The following ITGB2 variants were observed in gnomAD, a reference collection of about 807,000 sequenced individuals.
The protein encoded by ITGB2 is integrin beta-2.
ITGB2 carries 56 observed loss-of-function variants against 86.8 expected under a neutral mutation model. That is an observed-to-expected ratio of 0.65 (90% CI 0.52 to 0.81). The LOEUF (loss-of-function observed/expected upper bound fraction) is 0.81. Ranked by LOEUF, ITGB2 falls within the 30% of genes least tolerant of loss-of-function variation. The pLI, the probability that ITGB2 is intolerant of heterozygous loss-of-function variation, is 0.00. For missense variants in ITGB2, 948 were observed against 1,061.2 expected (o/e 0.89, Z 1.48); for synonymous variants, 457 against 450.4 (o/e 1.01, Z -0.19).
rs540504319 is a variant in ITGB2, at chr21:44,898,813, A to G, written c.993+254T>C. Among the ~76,000 whole-genome samples, 7 of 152,380 alleles carry G rather than the reference A, an allele frequency of 4.6e-5. No homozygotes were observed. In the East Asian group the frequency reaches 1.3e-3, roughly 29 times the overall value. ...CCAGGAAAAAACAGAAATATCACCAATGCCAAGACATGCTGTTAACACAGC... is the reference window on the plus strand; with the variant it reads ...CCAGGAAAAAACAGAAATATCACCAGTGCCAAGACATGCTGTTAACACAGC... On this transcript the variant is annotated intron_variant, in intron 8 of 15. Coordinates refer to ENST00000652462, the MANE Select transcript of ITGB2 (RefSeq NM_000211.5).
chr21:44,919,334 C>T (rs921649188), intron 1 of ITGB2, among the ~76,000 whole-genome samples: 12 of 152,368 alleles, frequency 7.9e-5, no homozygotes, highest in African/African-American at 2.9e-4. Flanking sequence ...CCCCAGAATA[C>T]TGAGGGGCAC....
In ITGB2 at chr21:44,900,401, G is replaced by A. The variant is rs779979379; in HGVS notation, c.816C>T (p.Asp272=). 5.2e-5 allele frequency: 84 copies of A among 1,613,954 alleles called. No individual in the cohort carries two copies. The highest frequency in any genetic ancestry group is 1.7e-4 in the African/African-American group (13 of 74,936). Residue 272 remains aspartate (D), a synonymous_variant, in exon 7 of 16, where the codon GAC becomes GAT. Coordinates refer to ENST00000652462, the MANE Select transcript of ITGB2 (RefSeq NM_000211.5). ...GGGTCAGGATGGCGCCCAGCTTCCC[G>A]TCGCCCGCGAAATGGAAGCCGTCAT... ...ATDDGFHFAG[D]GKLGAILTPN...
chr21:44,899,213 C>G, intron 7 of ITGB2, 51 bp from the exon 8 acceptor site: 1 of 1,353,648 alleles, frequency 7.4e-7, no homozygotes, highest in South Asian at 1.2e-5. Context: ...GACAAGGCTT[C>G]CAGGTACCCG....
intron 1 of ITGB2, among the ~76,000 whole-genome samples, chr21:44,919,007 C>T (rs2084253898): frequency 6.6e-6 from 1 of 152,068 alleles, no homozygotes; most frequent in African/African-American, 2.4e-5. Flanking sequence ...ATTCCCCTCT[C>T]CCAGCACTCG....
At chr21:44,895,616 T>A (rs1264170088) in intron 8 of ITGB2, among the ~76,000 whole-genome samples, 1 of 151,200 alleles carries the variant, frequency 6.6e-6, no homozygotes, top group East Asian at 2.0e-4. Flanking sequence ...CCAAAGTGGG[T>A]GGATCACTGA....
At chr21:44,918,922 C>A (rs1365208618) in intron 1 of ITGB2, among the ~76,000 whole-genome samples, 3 of 42,568 alleles carry the variant, frequency 7.0e-5, no homozygotes, top group Non-Finnish European at 1.2e-4. Flanking sequence ...GAGGCAAAGG[C>A]CCTTGGGTGG....
At chr21:44,923,557 C>A (rs749076403), upstream of ITGB2, among the ~76,000 whole-genome samples, 6 of 152,038 alleles carry the variant, frequency 3.9e-5, no homozygotes, top group Non-Finnish European at 8.8e-5. Context: ...GGACATGGGG[C>A]TTCACTAATC....
intron 1 of ITGB2, among the ~76,000 whole-genome samples, chr21:44,914,919 C>A (rs1010385464): frequency 6.7e-6 from 1 of 148,906 alleles, no homozygotes; most frequent in Non-Finnish European, 1.5e-5. Context: ...GTTGACAGAA[C>A]GAGGCCCTGT....
At chr21:44,923,260 G>A (rs1601343399), upstream of ITGB2, among the ~76,000 whole-genome samples, 1 of 152,264 alleles carries the variant, frequency 6.6e-6, no homozygotes, top group East Asian at 1.9e-4. Flanking sequence ...CGAAGGGAGA[G>A]AGACCCTTTA....
chr21:44,898,330 G>A (rs532141767), intron 8 of ITGB2, among the ~76,000 whole-genome samples: 1 of 152,306 alleles, frequency 6.6e-6, no homozygotes, highest in South Asian at 2.1e-4. Context: ...GCTGGTGCCT[G>A]GTTTCTCTCC....
intron 1 of ITGB2, among the ~76,000 whole-genome samples, chr21:44,916,797 G>A (rs1344931877): frequency 6.6e-6 from 1 of 151,846 alleles, no homozygotes; most frequent in Admixed American, 6.6e-5. Flanking sequence ...GAGCCCGGGA[G>A]GCAGAGGGTG....
chr21:44,905,254 G>T (rs1240318527), intron 4 of ITGB2, among the ~76,000 whole-genome samples: 1 of 152,126 alleles, frequency 6.6e-6, no homozygotes, highest in African/African-American at 2.4e-5. Flanking sequence ...CCTGCTCTGG[G>T]AGCCTGTGGC....
chr21:44,886,993 A>C, intron 14 of ITGB2, 91 bp from the exon 15 acceptor site: 1 of 1,500,472 alleles, frequency 6.7e-7, no homozygotes, highest in African/African-American at 1.4e-5. Flanking sequence ...ACAACACAGC[A>C]CTTAGAGAGA....
At chr21:44,923,031 T>C (rs1299871968), upstream of ITGB2, 2 of 152,346 alleles carry the variant, frequency 1.3e-5, no homozygotes, top group East Asian at 1.9e-4. Flanking sequence ...GCAGACGTTA[T>C]GCACACACCT....
chr21:44,908,497 T>A (rs2084079427), intron 3 of ITGB2, among the ~76,000 whole-genome samples: 1 of 152,146 alleles, frequency 6.6e-6, no homozygotes, highest in Admixed American at 6.6e-5. Context: ...AAACTTTCTG[T>A]TCTGTCAGCT....
intron 1 of ITGB2, among the ~76,000 whole-genome samples, chr21:44,912,119 C>G (rs1350673830): frequency 6.6e-6 from 1 of 152,228 alleles, no homozygotes; most frequent in Non-Finnish European, 1.5e-5. Flanking sequence ...CCAGCAAATG[C>G]CAGTTCCTGT....
chr21:44,906,703 G>A (rs1423998295), intron 4 of ITGB2, among the ~76,000 whole-genome samples: 3 of 152,194 alleles, frequency 2.0e-5, no homozygotes, highest in African/African-American at 7.2e-5. Flanking sequence ...CCGATGGTAA[G>A]GGCTGGGGCA....
chr21:44,907,210 T>G, intron 3 of ITGB2, 115 bp from the exon 4 acceptor site: 3 of 761,080 alleles, frequency 3.9e-6, no homozygotes, highest in Non-Finnish European at 6.3e-6. Flanking sequence ...GCGCCTGGAA[T>G]TTGGGACAGA....
intron 1 of ITGB2, among the ~76,000 whole-genome samples, chr21:44,918,584 G>T (rs2084245752): frequency 6.6e-6 from 1 of 152,204 alleles, no homozygotes. Flanking sequence ...TTCCAGACAG[G>T]GTGCAGATAG....
Sources: gnomAD v4.1 joint callset for allele counts (sites outside exome capture counted in the v4.1 genomes callset) on GRCh38, gnomAD v4.1.1 for gene constraint, MANE v1.5 for transcripts, NCBI Gene and HGNC (gene_info 2026-07-23, HGNC 2026-07-21) for gene names.